Variants in TINAG observed in about 807,000 individuals in gnomAD.
TINAG encodes the protein tubulointerstitial nephritis antigen.
In TINAG, 83 loss-of-function variants were observed where a neutral mutation model predicts 72.7. That is an observed-to-expected ratio of 1.14 (90% CI 0.96 to 1.37). The LOEUF (loss-of-function observed/expected upper bound fraction) is 1.37, where lower values mean the gene tolerates loss of function less well. TINAG is among the 40% of genes most tolerant of loss of function. The pLI is 0.00. For missense variants in TINAG, 685 were observed against 576.6 expected, an observed-to-expected ratio of 1.19 and a Z score of -1.93; for synonymous variants, 234 against 189.9, an observed-to-expected ratio of 1.23 and a Z score of -1.91.
At chr6:54,331,585 C>T (rs1208098876) in intron 4 of TINAG, among the ~76,000 whole-genome samples, 1 of 152,164 alleles carries the variant, frequency 6.6e-6, no homozygotes, top group Non-Finnish European at 1.5e-5. Context: ...TTTTATTCAA[C>T]ATAGTATTGG....
At chr6:54,377,717 T>C (rs1396865633) in intron 9 of TINAG, among the ~76,000 whole-genome samples, 2 of 152,064 alleles carry the variant, frequency 1.3e-5, no homozygotes, top group East Asian at 3.9e-4. Context: ...AGAACATTTG[T>C]GAAAATATAT....
intron 4 of TINAG, among the ~76,000 whole-genome samples, chr6:54,342,031 A>C (rs1365925359): frequency 1.3e-5 from 2 of 152,116 alleles, no homozygotes; most frequent in Non-Finnish European, 2.9e-5. Context: ...AAACACTTTC[A>C]AAACTTGAAA....
At chr6:54,354,351 CTAAT>C (rs1785340016) in intron 8 of TINAG, among the ~76,000 whole-genome samples, 158 bp from the exon 9 acceptor site, 1 of 151,804 alleles carries the variant, frequency 6.6e-6, no homozygotes, top group Non-Finnish European at 1.5e-5. Flanking sequence ...AATATTGCAA[CTAAT>C]TAATTAAGTA....
chr6:54,321,200 A>G, intron 2 of TINAG, 97 bp from the exon 3 acceptor site: 1 of 924,174 alleles, frequency 1.1e-6, no homozygotes, highest in Non-Finnish European at 1.7e-6. Context: ...TAATCAAGAA[A>G]TTATGTTTTA....
At chr6:54,330,117 G>A (rs189947515) in intron 4 of TINAG, among the ~76,000 whole-genome samples, 31 of 152,042 alleles carry the variant, frequency 2.0e-4, no homozygotes, top group East Asian at 1.4e-3. Flanking sequence ...TGGACCGGGC[G>A]GACTTAATAG....
At chr6:54,329,814 G>T (rs1027483685) in intron 4 of TINAG, among the ~76,000 whole-genome samples, 1 of 151,940 alleles carries the variant, frequency 6.6e-6, no homozygotes, top group African/African-American at 2.4e-5. Context: ...AAAAGCAGGG[G>T]TTGCAATCCT....
rs113147938 is a variant in TINAG at position 54,384,839 on chromosome 6, T to C, written c.1296+4268T>C. On this transcript the variant is annotated intron_variant, in intron 10 of 10. Transcript: ENST00000259782. ...AAAAAAACTATTAGCCAGCTTTATG[T>C]CATTGAAATTCATAGGATATTACAC... is the stretch of plus-strand genomic sequence containing the variant. 2.3e-3 allele frequency among the ~76,000 whole-genome samples: 357 copies of C among 152,298 alleles called. 3 individuals are homozygous for C. The highest frequency in any genetic ancestry group is 8.2e-3 in the African/African-American group (339 of 41,572).
At chr6:54,348,798 A>G (rs1335892148) in intron 6 of TINAG, among the ~76,000 whole-genome samples, 1 of 152,138 alleles carries the variant, frequency 6.6e-6, no homozygotes. Context: ...ATACAAATGT[A>G]ATGCATTTAA....
At chr6:54,364,604 T>A (rs1763349157) in intron 9 of TINAG, among the ~76,000 whole-genome samples, 1 of 151,394 alleles carries the variant, frequency 6.6e-6, no homozygotes, top group South Asian at 2.1e-4. Flanking sequence ...GTTAGATTTT[T>A]AAAACCATTA....
At chr6:54,344,667 A>G (rs1785078538) in intron 5 of TINAG, among the ~76,000 whole-genome samples, 1 of 152,164 alleles carries the variant, frequency 6.6e-6, no homozygotes, top group African/African-American at 2.4e-5. Flanking sequence ...ACTGAAAGCA[A>G]CTTGCTAGGG....
At chr6:54,324,706 G>T (rs1784565938) in intron 3 of TINAG, among the ~76,000 whole-genome samples, 2 of 152,100 alleles carry the variant, frequency 1.3e-5, no homozygotes, top group Non-Finnish European at 2.9e-5. Flanking sequence ...ATGTTAGTTT[G>T]GTTCTTCCTT....
At chr6:54,368,264 T>C (rs113362700) in intron 9 of TINAG, among the ~76,000 whole-genome samples, 4 of 147,684 alleles carry the variant, frequency 2.7e-5, no homozygotes, top group Non-Finnish European at 6.0e-5. Flanking sequence ...TATATTATAA[T>C]GTATTATATA....
At chr6:54,366,442 G>C (rs1369181429) in intron 9 of TINAG, among the ~76,000 whole-genome samples, 1 of 151,452 alleles carries the variant, frequency 6.6e-6, no homozygotes, top group Non-Finnish European at 1.5e-5. Flanking sequence ...TGAACTACAT[G>C]TTTAATATAT....
intron 4 of TINAG, among the ~76,000 whole-genome samples, chr6:54,337,246 A>ATTTTTT (rs34286210): frequency 1.5e-4 from 14 of 94,078 alleles, no homozygotes; most frequent in East Asian, 1.3e-3. Context: ...TGGGATTTGA[A>ATTTTTT]TTTTTTTTTT....
chr6:54,350,530 C>T lies in TINAG; in HGVS notation c.1080+634C>T, dbSNP rs148247748. ...TCCTGCCAGCATCTGCCACTCTACC[C>T]AGCCATAATGCTCCTAATACATAGA... On this transcript the variant is annotated intron_variant, in intron 7 of 10. Coordinates refer to ENST00000259782, the MANE Select transcript of TINAG (RefSeq NM_014464.4). Among the ~76,000 whole-genome samples, 452 of 151,450 alleles carry T rather than the reference C, an allele frequency of 3.0e-3. 1 individual carries two copies. Among genetic ancestry groups the T allele is most frequent in the African/African-American group, 9.3e-3 (384 of 41,304 alleles).
chr6:54,365,893 A>G (rs771576067), intron 9 of TINAG, among the ~76,000 whole-genome samples: 3 of 151,574 alleles, frequency 2.0e-5, no homozygotes, highest in Non-Finnish European at 3.0e-5. Flanking sequence ...AGCCAGGTGC[A>G]ATGGTGTGTG....
chr6:54,328,093 T>A (rs1276372234), intron 4 of TINAG, among the ~76,000 whole-genome samples: 1 of 152,096 alleles, frequency 6.6e-6, no homozygotes, highest in Non-Finnish European at 1.5e-5. Flanking sequence ...GCAGTGGATA[T>A]CCTAGCATGG....
chr6:54,378,268 T>C (rs1276989004), intron 9 of TINAG, among the ~76,000 whole-genome samples: 1 of 152,204 alleles, frequency 6.6e-6, no homozygotes, highest in East Asian at 1.9e-4. Flanking sequence ...TCTGAAACTA[T>C]TAGATTCAGT....
At chr6:54,360,105 C>T (rs915604780) in intron 9 of TINAG, among the ~76,000 whole-genome samples, 3 of 151,658 alleles carry the variant, frequency 2.0e-5, no homozygotes, top group Non-Finnish European at 3.0e-5. Context: ...GCGGGTGAGG[C>T]AGATACATTC....
Sources: gnomAD v4.1 joint callset for allele counts (sites outside exome capture counted in the v4.1 genomes callset) on GRCh38, gnomAD v4.1.1 for gene constraint, MANE v1.5 for transcripts, NCBI Gene and HGNC (gene_info 2026-07-23, HGNC 2026-07-21) for gene names.